CSMD1: variants seen among roughly 807,000 people sequenced by gnomAD.
CSMD1 encodes the protein CUB and Sushi multiple domains 1, also known as CUB and sushi domain-containing protein 1.
A neutral mutation model predicts 417.5 loss-of-function variants in CSMD1; 213 were observed. The ratio of observed to expected loss-of-function variants is 0.51; its 90% CI spans 0.46 to 0.57. The LOEUF (loss-of-function observed/expected upper bound fraction) is 0.57. Among genes scored for constraint, CSMD1 ranks in the 20% least tolerant of loss-of-function variants. CSMD1 has a pLI of 0.00. For missense variants in CSMD1, 6,923 were observed against 4,529.7 expected (o/e 1.53, Z -15.17); for synonymous variants, 2,862 against 1,736.8 (o/e 1.65, Z -16.11).
At chr8:4,651,765 T>A (rs1803911520) in intron 1 of CSMD1, among the ~76,000 whole-genome samples, 1 of 152,234 alleles carries the variant, frequency 6.6e-6, no homozygotes, top group Admixed American at 6.5e-5. Flanking sequence ...TCCCCATCTG[T>A]ATTTAATGGG....
chr8:3,999,858 A>G (rs557346351), intron 4 of CSMD1, among the ~76,000 whole-genome samples: 1 of 152,288 alleles, frequency 6.6e-6, no homozygotes, highest in East Asian at 1.9e-4. Context: ...CATCCAAAGC[A>G]CGTGACGTTG....
intron 2 of CSMD1, among the ~76,000 whole-genome samples, chr8:4,593,889 G>T (rs896330560): frequency 2.0e-5 from 3 of 152,164 alleles, no homozygotes; most frequent in Admixed American, 6.5e-5. Flanking sequence ...TAAAGCAACA[G>T]GAATTTATTG....
intron 2 of CSMD1, among the ~76,000 whole-genome samples, chr8:4,436,012 C>G (rs114518447): frequency 4.6e-5 from 7 of 152,168 alleles, no homozygotes; most frequent in Non-Finnish European, 1.0e-4. Context: ...TAACTTCATA[C>G]GCAGCAGCTT....
chr8:4,091,610 A>T (rs1800724693), intron 3 of CSMD1, among the ~76,000 whole-genome samples: 1 of 152,196 alleles, frequency 6.6e-6, no homozygotes, highest in Non-Finnish European at 1.5e-5. Flanking sequence ...CCTCACATAG[A>T]GTAGCAAGAA....
At chr8:4,892,024 A>C (rs1038567432) in intron 1 of CSMD1, among the ~76,000 whole-genome samples, 2 of 152,092 alleles carry the variant, frequency 1.3e-5, no homozygotes, top group African/African-American at 2.4e-5. Context: ...AGCACCACTA[A>C]CACCACCAGA....
rs947337237 is a variant in CSMD1 at position 3,523,953 on chromosome 8, A to G, written c.1345-30227T>C. On this transcript the variant is annotated intron_variant, in intron 10 of 69. Transcript: ENST00000635120. ...CATGCACACTCAGACACGTGCATAC[A>G]CATGCACACTTACACATGCACACAC... 1.3e-4 allele frequency among the ~76,000 whole-genome samples: 20 copies of G among 151,900 alleles called. 1 individual carries two copies. The highest frequency in any genetic ancestry group is 4.8e-4 in the African/African-American group (20 of 41,420).
At chr8:3,019,286 T>C (rs1034334134) in intron 51 of CSMD1, among the ~76,000 whole-genome samples, 1 of 152,192 alleles carries the variant, frequency 6.6e-6, no homozygotes, top group African/African-American at 2.4e-5. Flanking sequence ...ATACACAGTA[T>C]ACAAAGTATA....
rs767579851 is a variant in CSMD1 at position 4,680,975 on chromosome 8, T to TGTGTGTGAGA, written c.86-43418_86-43417insTCTCACACAC. On this transcript the variant is annotated intron_variant, in intron 1 of 69. Transcript: ENST00000635120. ...ATGTGTGTGTGTGTGTGTGTGTGTG[T>TGTGTGTGAGA]GAGAGAGAGAGAGAGAGAGAGAGAG... Among the ~76,000 whole-genome samples the TGTGTGTGAGA allele has an allele frequency of 3.4e-3, 471 of 136,762 alleles. 5 individuals are homozygous for TGTGTGTGAGA. The highest frequency in any genetic ancestry group is 0.013 in the African/African-American group (456 of 36,026). The allele number at this position is 136,762 out of a possible 152,430, so 89.7% of individuals were successfully genotyped here. A position where few individuals can be genotyped will look rare whatever the true frequency, so the allele number is the denominator to read the frequency against.
At chr8:4,459,628 T>C (rs1265404901) in intron 2 of CSMD1, among the ~76,000 whole-genome samples, 3 of 152,206 alleles carry the variant, frequency 2.0e-5, no homozygotes, top group Non-Finnish European at 4.4e-5. Flanking sequence ...CATTGTGGGT[T>C]AGAACAAACC....
intron 1 of CSMD1, among the ~76,000 whole-genome samples, chr8:4,732,385 T>TGGC (rs1809956471): frequency 1.1e-4 from 8 of 75,358 alleles, no homozygotes; most frequent in African/African-American, 3.9e-4. Flanking sequence ...GTGTGTGTAG[T>TGGC]GTTTTTCCCC....
At chr8:4,914,529 G>C (rs964749336) in intron 1 of CSMD1, among the ~76,000 whole-genome samples, 89 of 148,248 alleles carry the variant, frequency 6.0e-4, no homozygotes, top group South Asian at 1.3e-3. Flanking sequence ...AGTGAGCTGA[G>C]ATCGCGCCAC....
intron 2 of CSMD1, among the ~76,000 whole-genome samples, chr8:4,518,627 GC>G (rs1230201771): frequency 5.3e-5 from 7 of 131,202 alleles, no homozygotes; most frequent in Admixed American, 1.6e-4. Flanking sequence ...GGGGTGGGGG[GC>G]GGGGGGAGGA....
chr8:4,939,359 C>A (rs1252653095), intron 1 of CSMD1, among the ~76,000 whole-genome samples: 1 of 152,202 alleles, frequency 6.6e-6, no homozygotes, highest in Admixed American at 6.5e-5. Flanking sequence ...ATGTCTCTAG[C>A]AGCACTATTC....
intron 5 of CSMD1, among the ~76,000 whole-genome samples, chr8:3,996,688 T>C (rs572045373): frequency 1.4e-4 from 21 of 152,316 alleles, no homozygotes; most frequent in Admixed American, 1.4e-3. Flanking sequence ...AAAAGTGTTG[T>C]TCAGCATGAA....
At chr8:4,796,511 A>G (rs1044863210) in intron 1 of CSMD1, among the ~76,000 whole-genome samples, 2 of 151,774 alleles carry the variant, frequency 1.3e-5, no homozygotes, top group Admixed American at 1.3e-4. Context: ...GTCTTTCTCA[A>G]TGACCTGGGA....
At chr8:3,468,682 C>T (rs769400670) in intron 12 of CSMD1, 30 bp downstream of exon 12, 55 of 1,443,196 alleles carry the variant, frequency 3.8e-5, no homozygotes, top group Non-Finnish European at 4.8e-5. Context: ...ATGCTAACTT[C>T]CAACCCTGTG....
At chr8:3,804,289 A>G (rs552684998) in intron 5 of CSMD1, among the ~76,000 whole-genome samples, 18 of 152,322 alleles carry the variant, frequency 1.2e-4, no homozygotes, top group African/African-American at 4.1e-4. Flanking sequence ...GCAGAATACT[A>G]AAATAAATAA....
At chr8:3,825,407 T>C (rs113414060) in intron 5 of CSMD1, among the ~76,000 whole-genome samples, 3,987 of 152,184 alleles carry the variant, frequency 0.026, 66 homozygotes, top group Middle Eastern at 0.078. Context: ...TAGGCACCTG[T>C]AATCCCAGGT....
chr8:4,865,780 A>G (rs1029765591), intron 1 of CSMD1, among the ~76,000 whole-genome samples: 2 of 151,790 alleles, frequency 1.3e-5, no homozygotes, highest in African/African-American at 4.8e-5. Context: ...CAAAACCTCA[A>G]TCTATGCATT....
Sources: gnomAD v4.1 joint callset for allele counts (sites outside exome capture counted in the v4.1 genomes callset) on GRCh38, gnomAD v4.1.1 for gene constraint, MANE v1.5 for transcripts, NCBI Gene and HGNC (gene_info 2026-07-23, HGNC 2026-07-21) for gene names.